Variants in NME7 observed in about 807,000 individuals in gnomAD.
The protein encoded by NME7 is NME/NM23 family member 7.
NME7 carries 41 observed loss-of-function variants against 49.1 expected under a neutral mutation model. The ratio of observed to expected loss-of-function variants is 0.83; its 90% confidence interval spans 0.65 to 1.08. NME7 has a LOEUF of 1.08. Among genes scored for constraint, NME7 ranks in the 50% least tolerant of loss-of-function variants. The pLI, the probability that NME7 is intolerant of heterozygous loss-of-function variation, is 0.00. For synonymous variants in NME7, 139 were observed against 150.6 expected, an observed-to-expected ratio of 0.92 and a Z score of 0.56; for missense variants, 423 against 463.4, an observed-to-expected ratio of 0.91 and a Z score of 0.80.
intron 4 of NME7, among the ~76,000 whole-genome samples, chr1:169,308,810 A>T (rs751960445): frequency 3.3e-5 from 5 of 152,192 alleles, no homozygotes; most frequent in Non-Finnish European, 5.9e-5. Flanking sequence ...TTTTCACTAA[A>T]TAACTTAGAA....
chr1:169,303,392 T>C (rs1300047979), intron 4 of NME7, 197 bp from the exon 5 acceptor site: 2 of 253,232 alleles, frequency 7.9e-6, no homozygotes, highest in Admixed American at 5.5e-5. Context: ...TCAATGTAAA[T>C]AAAAATTAAT....
intron 11 of NME7, among the ~76,000 whole-genome samples, chr1:169,165,317 A>T (rs557605427): frequency 1.3e-5 from 2 of 152,044 alleles, no homozygotes; most frequent in Non-Finnish European, 2.9e-5. Context: ...AAATAAATAA[A>T]TAAATAAATA....
At chr1:169,156,154 C>CAAAAAAAAAAA (rs71121729) in intron 11 of NME7, among the ~76,000 whole-genome samples, 14 of 135,940 alleles carry the variant, frequency 1.0e-4, no homozygotes, top group East Asian at 5.0e-4. Flanking sequence ...CCTGTCTCTA[C>CAAAAAAAAAAA]AAAAAAAAAT....
chr1:169,271,162 A>G lies in NME7; in HGVS notation c.754+16141T>C, dbSNP rs534515120. 1.0e-3 allele frequency among the ~76,000 whole-genome samples: 139 copies of G among 133,956 alleles called. 9 individuals carry two copies. Among genetic ancestry groups the G allele is most frequent in the African/African-American group, 3.4e-3 (136 of 39,696 alleles). The allele number at this position is 133,956 out of a possible 152,430, so 87.9% of individuals were successfully genotyped here. On this transcript the variant is annotated intron_variant, in intron 7 of 11. Transcript: ENST00000367811. ...GAACTCTTTATGTTCTAGCTCTCTT[A>G]GAAATGAGAAGTGAAACCACTGCAT...
rs185690780 is a variant in NME7 at position 169,354,797 on chromosome 1, C to A, written c.3+12911G>T. Among the ~76,000 whole-genome samples the A allele has an allele frequency of 6.4e-3, 830 of 129,138 alleles. 8 individuals are homozygous for A. Among genetic ancestry groups the A allele is most frequent in the African/African-American group, 0.023 (783 of 34,692 alleles). The allele number at this position is 129,138 out of a possible 152,430, so 84.7% of individuals were successfully genotyped here. A position where few individuals can be genotyped will look rare whatever the true frequency, so the allele number is the denominator to read the frequency against. On this transcript the variant is annotated intron_variant, in intron 1 of 11. Coordinates refer to ENST00000367811, the MANE Select transcript of NME7 (RefSeq NM_013330.5). ...TATATATATATGTGTGTGCACATAT[C>A]TATTATATATAATAGATATAATATA...
intron 7 of NME7, among the ~76,000 whole-genome samples, chr1:169,253,317 T>C (rs1414169341): frequency 6.7e-6 from 1 of 149,750 alleles, no homozygotes; most frequent in Non-Finnish European, 1.5e-5. Context: ...TTATTCTCTT[T>C]GAAGCAATTG....
At chr1:169,339,170 T>TC (rs1223346269) in intron 1 of NME7, among the ~76,000 whole-genome samples, 2 of 151,842 alleles carry the variant, frequency 1.3e-5, no homozygotes, top group Admixed American at 6.6e-5. Flanking sequence ...TTCAAAAAAC[T>TC]CCCCCCCAAA....
chr1:169,237,574 T>C (rs764141427), intron 8 of NME7, 49 bp downstream of exon 8: 2 of 1,399,780 alleles, frequency 1.4e-6, no homozygotes, highest in East Asian at 2.3e-5. Flanking sequence ...TTATAACTAT[T>C]TTTGAAAAAA....
intron 2 of NME7, among the ~76,000 whole-genome samples, chr1:169,323,561 A>G (rs1651935431): frequency 6.6e-6 from 1 of 152,212 alleles, no homozygotes; most frequent in Non-Finnish European, 1.5e-5. Context: ...TCAGCAAAGT[A>G]GTCCTTACAA....
intron 10 of NME7, among the ~76,000 whole-genome samples, chr1:169,220,386 C>A (rs1412000757): frequency 6.6e-6 from 1 of 151,956 alleles, no homozygotes; most frequent in Non-Finnish European, 1.5e-5. Context: ...AGTGATTAAC[C>A]ATCCCACTTT....
chr1:169,197,886 A>C (rs1474436330), intron 10 of NME7, among the ~76,000 whole-genome samples: 1 of 152,092 alleles, frequency 6.6e-6, no homozygotes, highest in African/African-American at 2.4e-5. Context: ...AAGTTAAAAA[A>C]CTTCCTGCTT....
chr1:169,209,651 C>T (rs4656661), intron 10 of NME7, among the ~76,000 whole-genome samples: 46,669 of 151,990 alleles, frequency 0.31, 7,746 homozygotes, highest in Non-Finnish European at 0.39. Context: ...AAAAATACAA[C>T]CTAGATGTCA....
chr1:169,268,293 T>G (rs1649381447), intron 7 of NME7, among the ~76,000 whole-genome samples: 1 of 133,560 alleles, frequency 7.5e-6, no homozygotes, highest in Non-Finnish European at 1.8e-5. Context: ...AAATAACAGA[T>G]GCTGGTTAGG....
chr1:169,367,694 C>T lies in NME7; in HGVS notation c.3+14G>A. The T allele has an allele frequency of 6.2e-7, 1 of 1,614,162 alleles. No homozygotes were observed. The highest frequency in any genetic ancestry group is 8.5e-7 in the Non-Finnish European group (1 of 1,180,008). On this transcript the variant is annotated intron_variant, in intron 1 of 11. Transcript: ENST00000367811. ...GACCCCAGAGCCGTTCTTCTGGCAT[C>T]CCCTGGCACTCACCATTGTCTCAGG...
chr1:169,317,937 A>T (rs1020365809), intron 3 of NME7, among the ~76,000 whole-genome samples: 1 of 152,090 alleles, frequency 6.6e-6, no homozygotes, highest in African/African-American at 2.4e-5. Flanking sequence ...CTTTTTTCTC[A>T]GACCTGCAGA....
chr1:169,151,221 G>A (rs983412845), intron 11 of NME7, among the ~76,000 whole-genome samples: 5 of 152,172 alleles, frequency 3.3e-5, no homozygotes. Flanking sequence ...GCTGTATGAG[G>A]TGTGGCTGTA....
rs5778604 is a variant in NME7 at position 169,153,232 on chromosome 1, AC to A, written c.1098+16214del. Among the ~76,000 whole-genome samples, 8,115 of 152,148 alleles carry A rather than the reference AC, an allele frequency of 0.053. 1,115 individuals carry two copies. The East Asian group carries it at 0.6, about 11-fold the overall frequency. ...CAGAGTTTTTAGGTAATGCAGGTAA[AC>A]AATTTGGCATAGTACCTGGTATATA... On this transcript the variant is annotated intron_variant, in intron 11 of 11. Transcript: ENST00000367811.
intron 10 of NME7, among the ~76,000 whole-genome samples, chr1:169,229,358 A>C (rs1396178442): frequency 6.6e-6 from 1 of 152,120 alleles, no homozygotes; most frequent in African/African-American, 2.4e-5. Flanking sequence ...ATCTTTTCTC[A>C]TTCTCTTTGT....
intron 10 of NME7, among the ~76,000 whole-genome samples, chr1:169,184,793 T>C (rs1289625056): frequency 2.0e-5 from 3 of 152,188 alleles, no homozygotes; most frequent in Non-Finnish European, 4.4e-5. Flanking sequence ...GTCGGTGATG[T>C]GCTAGTAACT....
Sources: allele counts gnomAD v4.1 joint callset (sites outside exome capture counted in the v4.1 genomes callset), GRCh38; gene constraint gnomAD v4.1.1; transcripts MANE v1.5; gene names NCBI Gene and HGNC (gene_info 2026-07-23, HGNC 2026-07-21).